The following TANC2 variants were observed in gnomAD, a reference collection of about 807,000 sequenced individuals.
The protein encoded by TANC2 is tetratricopeptide repeat, ankyrin repeat and coiled-coil containing 2, also known as protein TANC2.
Under a neutral mutation model 210.5 loss-of-function variants are expected in TANC2, and 26 were observed. That is an observed-to-expected ratio of 0.12 (90% CI 0.09 to 0.17). The LOEUF is 0.17. Ranked by LOEUF, TANC2 falls within the 10% of genes least tolerant of loss-of-function variation. The probability of loss-of-function intolerance (pLI) is 1.00; values close to 1 mark genes in which losing one functional copy is unlikely to be tolerated. For synonymous variants in TANC2, 931 were observed against 967.1 expected (o/e 0.96, Z 0.69); for missense variants, 2,129 against 2,608.9 (o/e 0.82, Z 4.01).
chr17:63,363,679 A>T (rs1362264923), intron 14 of TANC2, among the ~76,000 whole-genome samples: 1 of 152,164 alleles, frequency 6.6e-6, no homozygotes, highest in Non-Finnish European at 1.5e-5. Context: ...TAGATGTATG[A>T]ATTTATTTCT....
chr17:62,998,924 A>C lies in TANC2; in HGVS notation c.-23-10613A>C, dbSNP rs561943250. On this transcript the variant is annotated intron_variant, in intron 1 of 27. Transcript: ENST00000689528. The stretch of plus-strand genomic sequence containing the variant: ...TATCAATATCAACACACATAGAGTC[A>C]AAGTAAAGGGATGGAGAAAAATCCA... Among the ~76,000 whole-genome samples the C allele has an allele frequency of 2.6e-5, 4 of 152,346 alleles. No individual in the cohort carries two copies. The South Asian group carries it at 8.3e-4, about 32-fold the overall frequency.
At chr17:63,132,273 G>A (rs959784743) in intron 4 of TANC2, among the ~76,000 whole-genome samples, 2 of 151,506 alleles carry the variant, frequency 1.3e-5, no homozygotes, top group African/African-American at 4.9e-5. Context: ...ACAAAATAAT[G>A]TGATGAATAG....
intron 3 of TANC2, among the ~76,000 whole-genome samples, chr17:63,091,134 CA>C (rs1403939914): frequency 8.1e-6 from 1 of 123,936 alleles, no homozygotes; most frequent in Non-Finnish European, 1.7e-5. Context: ...GAGTAGATTG[CA>C]AAAATTTTCT....
At chr17:63,252,223 T>A (rs201022057) in intron 8 of TANC2, among the ~76,000 whole-genome samples, 1 of 152,136 alleles carries the variant, frequency 6.6e-6, no homozygotes, top group Non-Finnish European at 1.5e-5. Context: ...ATTAGGCTTC[T>A]TTCTTTTTAA....
intron 5 of TANC2, among the ~76,000 whole-genome samples, chr17:63,169,261 A>T (rs908986994): frequency 6.6e-6 from 1 of 152,098 alleles, no homozygotes; most frequent in Non-Finnish European, 1.5e-5. Context: ...TCCATTGCCT[A>T]TTACTTATGT....
intron 5 of TANC2, chr17:63,155,096 T>C (rs2145430504): frequency 6.6e-6 from 1 of 152,174 alleles, no homozygotes. Context: ...ATTTTCTTTC[T>C]TGGGCAGCAT....
intron 17 of TANC2, chr17:63,390,328 G>T (rs2047926132): frequency 6.6e-6 from 1 of 152,146 alleles, no homozygotes; most frequent in East Asian, 1.9e-4. Flanking sequence ...CTGTTACGAG[G>T]GGAGAAAGTG....
chr17:63,368,852 C>T (rs747432630), intron 14 of TANC2, among the ~76,000 whole-genome samples: 3 of 152,078 alleles, frequency 2.0e-5, no homozygotes, highest in Non-Finnish European at 2.9e-5. Context: ...CACTGGAAAA[C>T]GGGAAGATAA....
chr17:63,222,988 T>C (rs549939859), intron 7 of TANC2, among the ~76,000 whole-genome samples: 45 of 152,328 alleles, frequency 3.0e-4, no homozygotes, highest in African/African-American at 6.0e-4. Flanking sequence ...TACTGCAACA[T>C]TGGCGAATCT....
chr17:63,118,681 C>T (rs2038342739), intron 4 of TANC2, among the ~76,000 whole-genome samples: 1 of 152,130 alleles, frequency 6.6e-6, no homozygotes, highest in Admixed American at 6.6e-5. Context: ...GCAATGATGG[C>T]TTGCTGCAGC....
At chr17:63,110,595 G>A (rs2037998774) in intron 4 of TANC2, among the ~76,000 whole-genome samples, 1 of 147,944 alleles carries the variant, frequency 6.8e-6, no homozygotes, top group Non-Finnish European at 1.5e-5. Context: ...CTTCCAGGAG[G>A]GAGGGACATT....
At chr17:63,086,021 C>G (rs1448158908) in intron 3 of TANC2, among the ~76,000 whole-genome samples, 3 of 151,126 alleles carry the variant, frequency 2.0e-5, no homozygotes, top group Non-Finnish European at 1.5e-5. Flanking sequence ...GTATAGAATT[C>G]TAGGTTTGTT....
intron 9 of TANC2, among the ~76,000 whole-genome samples, chr17:63,306,932 A>C (rs1195083109): frequency 6.6e-6 from 1 of 152,186 alleles, no homozygotes; most frequent in Non-Finnish European, 1.5e-5. Flanking sequence ...GTGCAACAGA[A>C]CAAGACCATG....
chr17:63,180,185 C>T (rs1240147736), intron 5 of TANC2, among the ~76,000 whole-genome samples: 1 of 152,106 alleles, frequency 6.6e-6, no homozygotes, highest in Non-Finnish European at 1.5e-5. Context: ...AATGCCATTG[C>T]TCCACTTTAA....
At chr17:62,968,427 T>C (rs1441802111) in intron 1 of TANC2, 1 of 152,232 alleles carries the variant, frequency 6.6e-6, no homozygotes, top group Non-Finnish European at 1.5e-5. Context: ...GATCATTTGC[T>C]TCAAAGACAA....
At chr17:63,232,881 G>GACTGCGGCTGCA (rs367729322) in intron 7 of TANC2, among the ~76,000 whole-genome samples, 25 of 152,372 alleles carry the variant, frequency 1.6e-4, no homozygotes, top group African/African-American at 6.0e-4. Flanking sequence ...GATCAACCGA[G>GACTGCGGCTGCA]ACTGCGGCTG....
intron 2 of TANC2, among the ~76,000 whole-genome samples, chr17:63,072,102 T>G (rs894711512): frequency 6.6e-6 from 1 of 152,154 alleles, no homozygotes; most frequent in African/African-American, 2.4e-5. Context: ...AAATACATTT[T>G]AGAAAGAAGA....
At chr17:63,357,693 T>G (rs1207184756) in intron 14 of TANC2, among the ~76,000 whole-genome samples, 1 of 152,230 alleles carries the variant, frequency 6.6e-6, no homozygotes, top group Non-Finnish European at 1.5e-5. Context: ...GCTCCCTAGG[T>G]CAATGAGATG....
chr17:63,338,283 G>C (rs1172737642), intron 11 of TANC2, among the ~76,000 whole-genome samples: 2 of 152,142 alleles, frequency 1.3e-5, no homozygotes, highest in African/African-American at 4.8e-5. Context: ...CACAGAAGGT[G>C]CAACTTCAGC....
Sources: gnomAD v4.1 joint callset for allele counts (sites outside exome capture counted in the v4.1 genomes callset) on GRCh38, gnomAD v4.1.1 for gene constraint, MANE v1.5 for transcripts, NCBI Gene and HGNC (gene_info 2026-07-23, HGNC 2026-07-21) for gene names.